ACSM5: variants seen among roughly 807,000 people sequenced by gnomAD.
ACSM5 encodes acyl-coenzyme A synthetase ACSM5, mitochondrial.
In ACSM5, 56 loss-of-function variants were observed where a neutral mutation model predicts 71.6. The observed-to-expected ratio is 0.78, with a 90% CI of 0.63 to 0.98. The LOEUF (loss-of-function observed/expected upper bound fraction) is 0.98, where lower values mean the gene tolerates loss of function less well. ACSM5 is among the 50% of genes least tolerant of loss of function. The pLI, the probability that ACSM5 is intolerant of heterozygous loss-of-function variation, is 0.00. For missense variants in ACSM5, 723 were observed against 726.0 expected, an observed-to-expected ratio of 1.00 and a Z score of 0.05; for synonymous variants, 285 against 281.5, an observed-to-expected ratio of 1.01 and a Z score of -0.12.
intron 8 of ACSM5, among the ~76,000 whole-genome samples, chr16:20,430,722 G>T (rs1967076137): frequency 6.7e-6 from 1 of 149,864 alleles, no homozygotes; most frequent in Non-Finnish European, 1.5e-5. Context: ...AAGGAGGAAA[G>T]AAAATGAAGG....
chr16:20,416,190 A>G (rs1966856037), intron 2 of ACSM5, among the ~76,000 whole-genome samples: 1 of 152,058 alleles, frequency 6.6e-6, no homozygotes, highest in Non-Finnish European at 1.5e-5. Context: ...TGCAAACTTT[A>G]TCAAAATCCT....
In ACSM5 at chr16:20,428,561, C is replaced by T. The variant is rs181719415; in HGVS notation, c.1001+694C>T. 4.3e-4 allele frequency among the ~76,000 whole-genome samples: 66 copies of T among 152,312 alleles called. No individual in the cohort carries two copies. The South Asian group carries it at 5.8e-3, about 13-fold the overall frequency. On this transcript the variant is annotated intron_variant, in intron 7 of 13. Coordinates refer to ENST00000331849, the MANE Select transcript of ACSM5 (RefSeq NM_017888.3). The stretch of plus-strand genomic sequence containing the variant: ...ACCTGTTCTCCCTCTTTTGTCCTCC[C>T]GTAAGTCATGAGGAGTCGTCCTCTC...
intron 2 of ACSM5, chr16:20,412,082 A>G (rs1225666120): frequency 1.2e-5 from 3 of 247,470 alleles, no homozygotes; most frequent in East Asian, 1.0e-4. Context: ...GCGGTGGCTC[A>G]TGACCATAAT....
intron 13 of ACSM5, among the ~76,000 whole-genome samples, 170 bp downstream of exon 13, chr16:20,440,089 C>T (rs1397711929): frequency 6.6e-6 from 1 of 151,662 alleles, no homozygotes; most frequent in African/African-American, 2.4e-5. Context: ...GGATTCTCCC[C>T]AAAGCACATT....
intron 10 of ACSM5, 32 bp downstream of exon 10, chr16:20,431,353 A>G (rs368996292): frequency 1.9e-4 from 292 of 1,541,808 alleles, no homozygotes; most frequent in Middle Eastern, 1.0e-3. Context: ...TTCTCATGAC[A>G]GTGACTGTGT....
In ACSM5 at chr16:20,421,360, C is replaced by T. The variant is rs1966879122; in HGVS notation, c.726C>T (p.His242=). ...GTTGAPKMVE[H]SQSSYGLGFV... is the part of the protein sequence containing the mutation. ...CCGGGGCCCCCAAGATGGTCGAGCA[C>T]TCCCAGAGCAGCTACGGACTGGGTT... is the stretch of plus-strand genomic sequence containing the variant. Residue 242 remains histidine, a synonymous_variant, in exon 5 of 14, where the codon CAC becomes CAT. Transcript: ENST00000331849. The T allele has an allele frequency of 6.8e-6, 11 of 1,607,368 alleles. No homozygotes were observed. Among genetic ancestry groups the T allele is most frequent in the African/African-American group, 1.3e-5 (1 of 74,726 alleles).
In ACSM5 at chr16:20,439,855, C is replaced by T. The variant is rs1213591662; in HGVS notation, c.1592C>T (p.Ala531Val). 1 of 1,612,116 alleles carries T rather than the reference C, an allele frequency of 6.2e-7. No homozygotes were observed. The part of the protein sequence containing the change: ...TPAYSSHDPE[A>V]LTRELQEHVK... ...GCCTACTCCTCTCATGACCCAGAGG[C>T]ACTAACGCGGGAACTCCAGGAGCAT... The change falls in exon 13 of 14, where the codon GCA becomes GTA. Residue 531 changes from alanine (A) to valine (V), a missense_variant. Coordinates refer to ENST00000331849, the MANE Select transcript of ACSM5 (RefSeq NM_017888.3).
At chr16:20,439,683 A>T in intron 12 of ACSM5, 117 bp from the exon 13 acceptor site, 1 of 1,262,622 alleles carries the variant, frequency 7.9e-7, no homozygotes, top group Non-Finnish European at 1.1e-6. Flanking sequence ...CCCAAAAAAA[A>T]CTAGTAGAAC....
At chr16:20,420,536 G>C (rs78204463) in intron 4 of ACSM5, among the ~76,000 whole-genome samples, 1 of 152,144 alleles carries the variant, frequency 6.6e-6, no homozygotes, top group Non-Finnish European at 1.5e-5. Context: ...GGAGGCAGAG[G>C]TTGCAGTGAG....
chr16:20,435,272 A>G (rs545744944), intron 10 of ACSM5, among the ~76,000 whole-genome samples: 223 of 152,274 alleles, frequency 1.5e-3, no homozygotes, highest in Non-Finnish European at 1.8e-3. Flanking sequence ...ACCTCAGGTG[A>G]TCCACCTGCC....
intron 2 of ACSM5, among the ~76,000 whole-genome samples, chr16:20,417,023 C>CA (rs35498393): frequency 0.78 from 101,204 of 129,582 alleles, 39,101 homozygotes; most frequent in Admixed American, 0.8. Context: ...AGTGGCATGG[C>CA]AAAAAAAAAA....
rs770926855 is a variant in ACSM5, at chr16:20,424,083, C to T, written c.921+14C>T. ...GTTATCCTGAATGTAAGAGGAAAAA[C>T]CAACAATACCCCATATGTGTTGGGT... On this transcript the variant is annotated intron_variant, in intron 6 of 13. Transcript: ENST00000331849. The T allele has an allele frequency of 1.2e-6, 2 of 1,613,616 alleles. No homozygotes were observed. Among genetic ancestry groups the T allele is most frequent in the Admixed American group, 3.3e-5 (2 of 59,984 alleles).
intron 2 of ACSM5, among the ~76,000 whole-genome samples, chr16:20,416,640 A>G (rs753920386): frequency 6.6e-6 from 1 of 152,194 alleles, no homozygotes; most frequent in African/African-American, 2.4e-5. Flanking sequence ...AGAAGAAAAC[A>G]TAGGAGTATA....
intron 13 of ACSM5, 58 bp downstream of exon 13, chr16:20,439,977 C>A: frequency 6.2e-7 from 1 of 1,602,020 alleles, no homozygotes; most frequent in Non-Finnish European, 8.5e-7. Flanking sequence ...CACGCTCTGC[C>A]TGGGCTCCCA....
At position 20,409,567 on chromosome 16, in the gene ACSM5, T is replaced by C. The variant is rs7199761; in HGVS notation, c.-114T>C. The C allele has an allele frequency of 0.08, 12,196 of 152,302 alleles. 1,100 individuals carry two copies. The highest frequency in any genetic ancestry group is 0.22 in the African/African-American group (9,195 of 41,486). 9.4% of individuals were successfully genotyped at this position (152,302 alleles called of 1,614,324 possible). Reference sequence around the variant, plus strand: ...GGCTGAAGTTCCCTGTGGGAGGCTGTTTTCTGAGGGAGCTGAGTGTTTACA... The same window carrying C: ...GGCTGAAGTTCCCTGTGGGAGGCTGCTTTCTGAGGGAGCTGAGTGTTTACA... On this transcript the variant is annotated 5_prime_UTR_variant, in exon 1 of 14. Coordinates refer to ENST00000331849, the MANE Select transcript of ACSM5 (RefSeq NM_017888.3).
chr16:20,424,039 G>T lies in ACSM5; in HGVS notation c.891G>T (p.Leu297=), dbSNP rs765756143. The part of the protein sequence containing the change: ...PNGSCIFVHE[L]PRVDAKVILN... Reference sequence around the variant, plus strand: ...GATCTTGCATTTTTGTGCATGAGCTGCCCCGAGTTGATGCCAAAGTTATCC... The same window carrying T: ...GATCTTGCATTTTTGTGCATGAGCTTCCCCGAGTTGATGCCAAAGTTATCC... Residue 297 remains leucine (L), a synonymous_variant, in exon 6 of 14, where the codon CTG becomes CTT. Coordinates refer to ENST00000331849, the MANE Select transcript of ACSM5 (RefSeq NM_017888.3). 5.6e-6 allele frequency: 9 copies of T among 1,613,956 alleles called. No individual in the cohort carries two copies. The African/African-American group carries it at 6.7e-5, about 12-fold the overall frequency.
chr16:20,422,240 T>C (rs1417155577), intron 5 of ACSM5, among the ~76,000 whole-genome samples: 1 of 152,176 alleles, frequency 6.6e-6, no homozygotes, highest in Non-Finnish European at 1.5e-5. Flanking sequence ...GCCTCCCAGA[T>C]AGCTGGGGTT....
chr16:20,432,198 A>G (rs1596622293), intron 10 of ACSM5, among the ~76,000 whole-genome samples: 1 of 152,062 alleles, frequency 6.6e-6, no homozygotes, highest in Non-Finnish European at 1.5e-5. Context: ...TGCATTAGAA[A>G]CACCTGGCAA....
chr16:20,416,512 A>G (rs1465983029), intron 2 of ACSM5, among the ~76,000 whole-genome samples: 1 of 152,234 alleles, frequency 6.6e-6, no homozygotes, highest in Non-Finnish European at 1.5e-5. Flanking sequence ...TGCTGGCACA[A>G]CTGTGTGTTC....
Sources: gnomAD v4.1 joint callset for allele counts (sites outside exome capture counted in the v4.1 genomes callset) on GRCh38, gnomAD v4.1.1 for gene constraint, MANE v1.5 for transcripts, NCBI Gene and HGNC (gene_info 2026-07-23, HGNC 2026-07-21) for gene names.